Variants in CTNNA3 observed in about 807,000 individuals in gnomAD.
CTNNA3 encodes catenin alpha 3.
Under a neutral mutation model 95.7 loss-of-function variants are expected in CTNNA3, and 76 were observed. The ratio of observed to expected loss-of-function variants is 0.79; its 90% CI spans 0.66 to 0.96. CTNNA3 has a LOEUF of 0.96. Ranked by LOEUF, CTNNA3 falls within the 40% of genes least tolerant of loss-of-function variation. The pLI is 0.00. For synonymous variants in CTNNA3, 431 were observed against 374.4 expected (o/e 1.15, Z -1.74); for missense variants, 1,191 against 1,089.8 (o/e 1.09, Z -1.31).
At chr10:66,828,501 C>A (rs1387447055) in intron 7 of CTNNA3, among the ~76,000 whole-genome samples, 1 of 152,154 alleles carries the variant, frequency 6.6e-6, no homozygotes, top group Non-Finnish European at 1.5e-5. Context: ...AGAAACCATT[C>A]TTTTTTCCTT....
chr10:67,592,663 T>C (rs1282748616), intron 3 of CTNNA3, among the ~76,000 whole-genome samples: 1 of 152,012 alleles, frequency 6.6e-6, no homozygotes, highest in Non-Finnish European at 1.5e-5. Flanking sequence ...AGAACTGATT[T>C]CCAACTTAAA....
chr10:67,147,432 T>C (rs1171364908), intron 7 of CTNNA3, among the ~76,000 whole-genome samples: 1 of 152,238 alleles, frequency 6.6e-6, no homozygotes, highest in Admixed American at 6.5e-5. Context: ...AAATATTCTA[T>C]AAGTGTTTAT....
intron 13 of CTNNA3, among the ~76,000 whole-genome samples, chr10:66,147,608 G>GTTT (rs34193216): frequency 4.2e-3 from 444 of 105,614 alleles, no homozygotes; most frequent in Non-Finnish European, 6.4e-3. Context: ...GTTGCTTTCA[G>GTTT]TTTTTTTTTT....
At chr10:66,047,911 G>T (rs1589291538) in intron 15 of CTNNA3, among the ~76,000 whole-genome samples, 1 of 151,918 alleles carries the variant, frequency 6.6e-6, no homozygotes, top group Non-Finnish European at 1.5e-5. Context: ...TAGGAATACA[G>T]CTAACCAGGG....
intron 7 of CTNNA3, among the ~76,000 whole-genome samples, chr10:66,842,301 T>G (rs12762991): frequency 0.36 from 54,420 of 151,730 alleles, 10,737 homozygotes; most frequent in Non-Finnish European, 0.46. Flanking sequence ...TGTAATGGAA[T>G]ATATAGACAC....
chr10:67,322,934 C>G (rs1310004065), intron 5 of CTNNA3, among the ~76,000 whole-genome samples: 1 of 152,086 alleles, frequency 6.6e-6, no homozygotes, highest in Non-Finnish European at 1.5e-5. Context: ...GAGATGATAC[C>G]TCATTGTGGT....
chr10:67,641,987 C>T (rs756257200), intron 2 of CTNNA3, among the ~76,000 whole-genome samples: 2 of 151,956 alleles, frequency 1.3e-5, no homozygotes, highest in Non-Finnish European at 2.9e-5. Flanking sequence ...TGCACATGTA[C>T]TCTAAAACTT....
intron 7 of CTNNA3, among the ~76,000 whole-genome samples, chr10:66,848,306 T>C: frequency 6.6e-6 from 1 of 152,216 alleles, no homozygotes; most frequent in East Asian, 1.9e-4. Flanking sequence ...AAGTTCAAGT[T>C]TGCCTATAAG....
intron 3 of CTNNA3, among the ~76,000 whole-genome samples, chr10:67,591,073 T>C (rs369823148): frequency 6.6e-6 from 1 of 152,110 alleles, no homozygotes; most frequent in Non-Finnish European, 1.5e-5. Flanking sequence ...TTTTTGTCTA[T>C]AGTTATGAGA....
At chr10:67,692,178 G>A (rs868420417) in intron 1 of CTNNA3, among the ~76,000 whole-genome samples, 41 of 150,934 alleles carry the variant, frequency 2.7e-4, no homozygotes, top group Middle Eastern at 3.4e-3. Context: ...GCCTCTGCCC[G>A]GCCGCCCCTA....
chr10:66,408,657 T>C (rs2093076321), intron 11 of CTNNA3, among the ~76,000 whole-genome samples: 3 of 152,308 alleles, frequency 2.0e-5, no homozygotes, highest in South Asian at 4.1e-4. Context: ...ATTTATTCTT[T>C]CAATAATACT....
intron 17 of CTNNA3, among the ~76,000 whole-genome samples, chr10:65,925,020 A>T (rs1279848337): frequency 6.6e-6 from 1 of 152,152 alleles, no homozygotes; most frequent in African/African-American, 2.4e-5. Context: ...ACACATGGGG[A>T]TTACTACAAT....
chr10:66,418,108 A>G (rs1392298418), intron 11 of CTNNA3, among the ~76,000 whole-genome samples: 1 of 127,686 alleles, frequency 7.8e-6, no homozygotes, highest in Non-Finnish European at 1.6e-5. Context: ...AAAATTGAAA[A>G]CATTAAAAAA....
intron 13 of CTNNA3, among the ~76,000 whole-genome samples, chr10:66,160,570 A>G (rs868139638): frequency 6.6e-6 from 1 of 152,004 alleles, no homozygotes; most frequent in African/African-American, 2.4e-5. Context: ...CAATTTTCTT[A>G]AATTTATTGA....
chr10:66,559,421 A>G (rs1300141489), intron 10 of CTNNA3, among the ~76,000 whole-genome samples: 2 of 146,090 alleles, frequency 1.4e-5, no homozygotes, highest in Admixed American at 1.4e-4. Flanking sequence ...TCCAGAGGAC[A>G]TTTTGCAATG....
At chr10:66,623,122 C>T (rs1236317841) in intron 9 of CTNNA3, among the ~76,000 whole-genome samples, 2 of 152,010 alleles carry the variant, frequency 1.3e-5, no homozygotes, top group African/African-American at 4.8e-5. Context: ...AGTTTCTGTG[C>T]CCCTTTCCAC....
chr10:66,819,355 A>G (rs948555067), intron 7 of CTNNA3, among the ~76,000 whole-genome samples: 8 of 152,168 alleles, frequency 5.3e-5, no homozygotes, highest in African/African-American at 1.4e-4. Context: ...CGAATCAAAG[A>G]TCTAAAGGTA....
chr10:66,663,281 A>G (rs1391460639), intron 9 of CTNNA3, among the ~76,000 whole-genome samples: 2 of 151,936 alleles, frequency 1.3e-5, no homozygotes, highest in Non-Finnish European at 2.9e-5. Flanking sequence ...GCCCCTCCCC[A>G]GTCATGACCA....
chr10:67,672,694 G>A (rs2133553352), intron 1 of CTNNA3, among the ~76,000 whole-genome samples: 1 of 152,152 alleles, frequency 6.6e-6, no homozygotes, highest in South Asian at 2.1e-4. Context: ...ATTTCTGAGG[G>A]CTCTGTTCTG....
Sources: gnomAD v4.1 joint callset for allele counts (sites outside exome capture counted in the v4.1 genomes callset) on GRCh38, gnomAD v4.1.1 for gene constraint, MANE v1.5 for transcripts, NCBI Gene and HGNC (gene_info 2026-07-23, HGNC 2026-07-21) for gene names.